TYR: variants seen among roughly 807,000 people sequenced by gnomAD.
TYR encodes tyrosinase, also known as LB24-AB.
In TYR, 58 loss-of-function variants were observed where a neutral mutation model predicts 51.5. The ratio of observed to expected loss-of-function variants is 1.13; its 90% CI spans 0.91 to 1.40. The LOEUF is 1.40. Ranked by LOEUF, TYR falls within the 40% of genes most tolerant of loss-of-function variation. The pLI is 0.00. For missense variants in TYR, 732 were observed against 647.4 expected, an observed-to-expected ratio of 1.13 and a Z score of -1.42; for synonymous variants, 263 against 235.2, an observed-to-expected ratio of 1.12 and a Z score of -1.08.
At chr11:89,279,179 A>G (rs1944691384) in intron 3 of TYR, among the ~76,000 whole-genome samples, 1 of 151,684 alleles carries the variant, frequency 6.6e-6, no homozygotes, top group Non-Finnish European at 1.5e-5. Context: ...CTCCTGTGAA[A>G]TAAACCATAG....
chr11:89,180,056 T>A (rs1432801281), intron 1 of TYR, among the ~76,000 whole-genome samples: 1 of 152,186 alleles, frequency 6.6e-6, no homozygotes, highest in Non-Finnish European at 1.5e-5. Context: ...TGGAGTCTAC[T>A]GAAGTTCATT....
chr11:89,274,763 T>C (rs1410074761), intron 3 of TYR, among the ~76,000 whole-genome samples: 1 of 151,862 alleles, frequency 6.6e-6, no homozygotes, highest in African/African-American at 2.4e-5. Flanking sequence ...GCCTTTGTGC[T>C]TGTGGAAATT....
chr11:89,212,307 A>C (rs1239156309), intron 2 of TYR, among the ~76,000 whole-genome samples: 1 of 152,116 alleles, frequency 6.6e-6, no homozygotes, highest in African/African-American at 2.4e-5. Flanking sequence ...TACTATAAAC[A>C]CCTCTATGCA....
chr11:89,202,858 T>G (rs1943617599), intron 2 of TYR, among the ~76,000 whole-genome samples: 1 of 152,112 alleles, frequency 6.6e-6, no homozygotes, highest in Admixed American at 6.6e-5. Context: ...GGCTTATACT[T>G]CTCTTCATTG....
intron 3 of TYR, among the ~76,000 whole-genome samples, chr11:89,265,754 T>TA (rs1241613325): frequency 6.6e-6 from 1 of 152,066 alleles, no homozygotes; most frequent in Admixed American, 6.6e-5. Context: ...GGAGATTTAA[T>TA]AAAAATAAAA....
rs566270744 is a variant in TYR at position 89,289,915 on chromosome 11, T to C, written c.1366+4961T>C. Among the ~76,000 whole-genome samples the C allele has an allele frequency of 5.3e-5, 8 of 152,158 alleles. No individual in the cohort carries two copies. The South Asian group carries it at 8.3e-4, about 16-fold the overall frequency. On this transcript the variant is annotated intron_variant, in intron 4 of 4. Transcript: ENST00000263321. ...TATTGATGAAATTATCATTCTATCATGATAAGAATCAACAGCAGTTGTAAA... is the reference window on the plus strand; with the variant it reads ...TATTGATGAAATTATCATTCTATCACGATAAGAATCAACAGCAGTTGTAAA...
In TYR at chr11:89,235,788, A is replaced by G. The variant is rs144392975; in HGVS notation, c.1184+7818A>G. On this transcript the variant is annotated intron_variant, in intron 3 of 4. Coordinates refer to ENST00000263321, the MANE Select transcript of TYR (RefSeq NM_000372.5). ...CTGCACAGCATGATGATTATAGTAA[A>G]TAATGATATATTGTATCTTTTAAGA... Among the ~76,000 whole-genome samples the G allele has an allele frequency of 3.5e-4, 54 of 152,214 alleles. 1 individual carries two copies. In the East Asian group the frequency reaches 0.01, roughly 28 times the overall value.
intron 2 of TYR, among the ~76,000 whole-genome samples, chr11:89,218,568 G>A (rs1282880824): frequency 1.3e-5 from 2 of 151,966 alleles, no homozygotes; most frequent in African/African-American, 2.4e-5. Context: ...AAGAAAAGGA[G>A]GAAAATTGAC....
intron 3 of TYR, among the ~76,000 whole-genome samples, chr11:89,277,406 A>G (rs1469918278): frequency 6.6e-6 from 1 of 151,704 alleles, no homozygotes. Context: ...GCCTTTCAGA[A>G]AGATGATATC....
At chr11:89,192,973 T>C (rs116285964) in intron 2 of TYR, among the ~76,000 whole-genome samples, 1,768 of 152,232 alleles carry the variant, frequency 0.012, 24 homozygotes, top group African/African-American at 0.04. Flanking sequence ...ACTCTGATAA[T>C]CAACAGTGGG....
chr11:89,231,317 T>TCCCAAAACAATTACCATGGTCACGTCA (rs1555091514), intron 3 of TYR, among the ~76,000 whole-genome samples: 2 of 145,842 alleles, frequency 1.4e-5, no homozygotes, highest in Admixed American at 6.8e-5. Flanking sequence ...CCTGGGCATG[T>TCCCAAAACAATTACCATGGTCACGTCA]ATCGAAAGGG....
intron 3 of TYR, among the ~76,000 whole-genome samples, chr11:89,277,796 T>C (rs1222640141): frequency 6.6e-6 from 1 of 151,674 alleles, no homozygotes; most frequent in African/African-American, 2.4e-5. Context: ...TTCCTGGACA[T>C]CATTTTCTCA....
intron 3 of TYR, among the ~76,000 whole-genome samples, chr11:89,242,674 G>A (rs1212025642): frequency 6.6e-6 from 1 of 152,068 alleles, no homozygotes; most frequent in Non-Finnish European, 1.5e-5. Flanking sequence ...TGGCAGTGTG[G>A]GCCAATGGAA....
At chr11:89,279,648 G>C (rs1336852291) in intron 3 of TYR, among the ~76,000 whole-genome samples, 1 of 151,644 alleles carries the variant, frequency 6.6e-6, no homozygotes, top group Non-Finnish European at 1.5e-5. Context: ...TTATAGGAGT[G>C]TTGGCCATGA....
chr11:89,237,017 A>G lies in TYR; in HGVS notation c.1184+9047A>G, dbSNP rs1279922628. On this transcript the variant is annotated intron_variant, in intron 3 of 4. Transcript: ENST00000263321. Reference sequence around the variant, plus strand: ...AGTATTTACACCATGAAATTGGCAAATGGTACACGTCAGGGCTTTTATTCC... The same window carrying G: ...AGTATTTACACCATGAAATTGGCAAGTGGTACACGTCAGGGCTTTTATTCC... Among the ~76,000 whole-genome samples the G allele has an allele frequency of 5.9e-5, 9 of 152,186 alleles. 1 individual carries two copies. The highest frequency in any genetic ancestry group is 2.2e-4 in the African/African-American group (9 of 41,444).
intron 3 of TYR, among the ~76,000 whole-genome samples, chr11:89,252,068 T>G (rs1944337675): frequency 6.6e-6 from 1 of 151,836 alleles, no homozygotes; most frequent in Non-Finnish European, 1.5e-5. Flanking sequence ...TCCAATGTCC[T>G]TCTATTTTTT....
chr11:89,217,721 G>T (rs2135274339), intron 2 of TYR, among the ~76,000 whole-genome samples: 1 of 152,214 alleles, frequency 6.6e-6, no homozygotes, highest in Admixed American at 6.5e-5. Context: ...TTCTGGCCTG[G>T]GCTGGCCTGC....
chr11:89,271,249 T>C (rs181663895), intron 3 of TYR, among the ~76,000 whole-genome samples: 1 of 151,996 alleles, frequency 6.6e-6, no homozygotes, highest in East Asian at 1.9e-4. Flanking sequence ...CTATTACCTA[T>C]TGGTTTCTTA....
intron 1 of TYR, among the ~76,000 whole-genome samples, chr11:89,187,170 G>C (rs1009874833): frequency 2.0e-5 from 3 of 152,088 alleles, no homozygotes; most frequent in Admixed American, 1.3e-4. Context: ...CCTATTCCCT[G>C]TAGATTGAGA....
Sources: allele counts gnomAD v4.1 joint callset (sites outside exome capture counted in the v4.1 genomes callset), GRCh38; gene constraint gnomAD v4.1.1; transcripts MANE v1.5; gene names NCBI Gene and HGNC (gene_info 2026-07-23, HGNC 2026-07-21).